TESC: variants seen among roughly 807,000 people sequenced by gnomAD.
TESC encodes tescalcin.
A neutral mutation model predicts 31.0 loss-of-function variants in TESC; 19 were observed. The observed-to-expected ratio is 0.61, with a 90% CI of 0.43 to 0.90. The LOEUF (loss-of-function observed/expected upper bound fraction) is 0.90, where lower values mean the gene tolerates loss of function less well. TESC is among the 40% of genes least tolerant of loss of function. TESC has a pLI of 0.00. For synonymous variants in TESC, 109 were observed against 114.8 expected (o/e 0.95, Z 0.32); for missense variants, 248 against 303.8 (o/e 0.82, Z 1.36).
chr12:117,070,434 G>A (rs1449942472), intron 2 of TESC, among the ~76,000 whole-genome samples: 1 of 152,086 alleles, frequency 6.6e-6, no homozygotes, highest in Non-Finnish European at 1.5e-5. Context: ...GGCTGGGCTG[G>A]GGCTGTCACT....
rs145480996 is a variant in TESC, at chr12:117,076,190, A to G, written c.59-850T>C. Among the ~76,000 whole-genome samples, 1,392 of 150,792 alleles carry G rather than the reference A, an allele frequency of 9.2e-3. 19 individuals are homozygous for G. Among genetic ancestry groups the G allele is most frequent in the South Asian group, 0.046 (220 of 4,742 alleles). On this transcript the variant is annotated intron_variant, in intron 1 of 7. Coordinates refer to ENST00000335209, the MANE Select transcript of TESC (RefSeq NM_017899.4). The stretch of plus-strand genomic sequence containing the variant: ...AGATGAGTTTTATCCTAGCCGAGAA[A>G]GGGGCTTTTTATAGTCACAGACTCA...
chr12:117,073,886 C>T (rs1296792097), intron 2 of TESC, among the ~76,000 whole-genome samples: 1 of 151,684 alleles, frequency 6.6e-6, no homozygotes, highest in East Asian at 1.9e-4. Flanking sequence ...TCAAGATCAC[C>T]CTGGGTAACA....
At chr12:117,062,879 C>T (rs904512468) in intron 2 of TESC, among the ~76,000 whole-genome samples, 3 of 152,182 alleles carry the variant, frequency 2.0e-5, no homozygotes, top group African/African-American at 7.2e-5. Context: ...GAGCCCAGGG[C>T]TGACGGCAGG....
intron 6 of TESC, among the ~76,000 whole-genome samples, chr12:117,046,134 T>A (rs561605592): frequency 2.8e-4 from 42 of 152,092 alleles, no homozygotes; most frequent in Non-Finnish European, 4.7e-4. Context: ...CAGCCCCCAA[T>A]AGGGCTCCCT....
chr12:117,058,173 T>C (rs1171000735), intron 2 of TESC, among the ~76,000 whole-genome samples: 5 of 152,142 alleles, frequency 3.3e-5, no homozygotes, highest in African/African-American at 1.2e-4. Flanking sequence ...TGAGCCAAGA[T>C]CTCACCATTG....
At chr12:117,043,803 G>C (rs1175585571) in intron 6 of TESC, among the ~76,000 whole-genome samples, 4 of 152,198 alleles carry the variant, frequency 2.6e-5, no homozygotes, top group South Asian at 4.1e-4. Context: ...AACCGGCCCT[G>C]AGTTGGGTTC....
chr12:117,079,985 G>C (rs1175723053), intron 1 of TESC, among the ~76,000 whole-genome samples: 1 of 152,186 alleles, frequency 6.6e-6, no homozygotes, highest in Non-Finnish European at 1.5e-5. Flanking sequence ...CCTGGCCTCT[G>C]TGTTCAACTA....
chr12:117,062,177 G>A (rs1287429654), intron 2 of TESC, among the ~76,000 whole-genome samples: 1 of 151,950 alleles, frequency 6.6e-6, no homozygotes. Flanking sequence ...ATTACATAGG[G>A]TTCACAACAA....
At chr12:117,044,907 GAA>G (rs1229880820) in intron 6 of TESC, among the ~76,000 whole-genome samples, 2 of 128,812 alleles carry the variant, frequency 1.6e-5, no homozygotes, top group East Asian at 4.7e-4. Context: ...GGGAAAAAAA[GAA>G]AAAAAAGAGA....
intron 2 of TESC, among the ~76,000 whole-genome samples, chr12:117,069,780 C>G (rs1254930708): frequency 6.6e-6 from 1 of 152,202 alleles, no homozygotes; most frequent in Non-Finnish European, 1.5e-5. Context: ...ATTTGTCAAG[C>G]CGCACATTTA....
At chr12:117,062,973 G>C (rs1283861151) in intron 2 of TESC, among the ~76,000 whole-genome samples, 1 of 152,172 alleles carries the variant, frequency 6.6e-6, no homozygotes, top group Non-Finnish European at 1.5e-5. Context: ...TGCCCAGGAG[G>C]GCTCCAGGGC....
At chr12:117,094,197 T>C (rs1458622411) in intron 1 of TESC, among the ~76,000 whole-genome samples, 1 of 152,198 alleles carries the variant, frequency 6.6e-6, no homozygotes, top group East Asian at 1.9e-4. Flanking sequence ...AAAAGATTCC[T>C]GGGAATACTC....
chr12:117,085,471 C>T (rs1322871689), intron 1 of TESC, among the ~76,000 whole-genome samples: 1 of 152,178 alleles, frequency 6.6e-6, no homozygotes, highest in African/African-American at 2.4e-5. Flanking sequence ...GAAGCAAGCA[C>T]AGCTGAGAGC....
At chr12:117,061,720 T>C (rs1205532903) in intron 2 of TESC, among the ~76,000 whole-genome samples, 2 of 152,056 alleles carry the variant, frequency 1.3e-5, no homozygotes, top group African/African-American at 4.8e-5. Context: ...TCACCACTGG[T>C]GCCTGACTCT....
intron 7 of TESC, among the ~76,000 whole-genome samples, chr12:117,040,934 G>C (rs1023215789): frequency 6.7e-6 from 1 of 148,576 alleles, no homozygotes; most frequent in African/African-American, 2.5e-5. Flanking sequence ...CTCCTCTCTT[G>C]GTCTCTTGCT....
intron 1 of TESC, among the ~76,000 whole-genome samples, chr12:117,094,293 A>G (rs6490108): frequency 0.26 from 38,970 of 152,094 alleles, 6,675 homozygotes; most frequent in African/African-American, 0.49. Context: ...CCTGTGTGGC[A>G]AGCTGCTGCT....
chr12:117,077,597 GAAC>G (rs1402930650), intron 1 of TESC, among the ~76,000 whole-genome samples: 5 of 152,234 alleles, frequency 3.3e-5, no homozygotes, highest in Non-Finnish European at 5.9e-5. Flanking sequence ...CAGTGAAAAT[GAAC>G]AATATAGATA....
chr12:117,046,416 G>A lies in TESC; in HGVS notation c.519+143C>T, dbSNP rs1954559760. The A allele has an allele frequency of 2.7e-6, 2 of 753,358 alleles. 1 individual carries two copies. Among genetic ancestry groups the A allele is most frequent in the South Asian group, 3.7e-5 (2 of 53,830 alleles). The allele number at this position is 753,358 out of a possible 1,614,324, so 46.7% of individuals were successfully genotyped here. ...AGTCTCCTGGGGGACAGGAAGGGCT[G>A]GGAGAGGTTCCTGAGCCCCACAGGC... On this transcript the variant is annotated intron_variant, in intron 6 of 7. Coordinates refer to ENST00000335209, the MANE Select transcript of TESC (RefSeq NM_017899.4).
intron 1 of TESC, among the ~76,000 whole-genome samples, chr12:117,075,887 A>ATATATATATATATATATATATATGTGTG (rs1955055637): frequency 1.6e-5 from 1 of 62,456 alleles, no homozygotes; most frequent in African/African-American, 9.8e-5. Context: ...ATATATATAT[A>ATATATATATATATATATATATATGTGTG]TATATATATA....
Sources: allele counts gnomAD v4.1 joint callset (sites outside exome capture counted in the v4.1 genomes callset), GRCh38; gene constraint gnomAD v4.1.1; transcripts MANE v1.5; gene names NCBI Gene and HGNC (gene_info 2026-07-23, HGNC 2026-07-21).